Variants in EVPL observed in about 807,000 individuals in gnomAD.
EVPL encodes the protein 210 kDa cornified envelope precursor protein.
A neutral mutation model predicts 129.7 loss-of-function variants in EVPL; 94 were observed. That is an observed-to-expected ratio of 0.72 (90% confidence interval 0.61 to 0.86). The LOEUF is 0.86. Ranked by LOEUF, EVPL falls within the 40% of genes least tolerant of loss-of-function variation. The pLI is 0.00. For synonymous variants in EVPL, 1,172 were observed against 1,191.1 expected, an observed-to-expected ratio of 0.98 and a Z score of 0.33; for missense variants, 2,625 against 2,721.1, an observed-to-expected ratio of 0.96 and a Z score of 0.79.
In EVPL at chr17:76,009,496, C is replaced by T. The variant is rs375552944; in HGVS notation, c.3709G>A (p.Asp1237Asn). The T allele has an allele frequency of 1.7e-5, 27 of 1,614,026 alleles. No homozygotes were observed. The Middle Eastern group carries it at 4.9e-4, about 29-fold the overall frequency. The change falls in exon 22 of 22, where the codon GAC becomes AAC. Residue 1237 changes from aspartate to asparagine, a missense_variant. Physicochemically the swap from Asp to Asn is conservative, Grantham distance 23. Transcript: ENST00000301607. This position sits in a 1 kb window ranked among gnomAD's most constrained non-coding sequence, Gnocchi z 5.9. ...TTCTGGGCCCGCAGGACCTCCAGGT[C>T]GGGCAGCAGCTTCTCCACCTCCTTC... ...VEKEVEKLLP[D>N]LEVLRAQKPT...
chr17:76,021,163 C>A (rs2144431585), intron 9 of EVPL, among the ~76,000 whole-genome samples: 1 of 152,324 alleles, frequency 6.6e-6, no homozygotes, highest in East Asian at 1.9e-4. Flanking sequence ...TCAAGCGATT[C>A]TCCTGCCTCA....
chr17:76,021,125 G>A lies in EVPL; in HGVS notation c.1011+343C>T, dbSNP rs181504718. 1.2e-3 allele frequency among the ~76,000 whole-genome samples: 178 copies of A among 152,108 alleles called. 1 individual carries two copies. The highest frequency in any genetic ancestry group is 0.01 in the Admixed American group (153 of 15,274). ...GGCTGGAGTGCAGTGGACCAATCTC[G>A]GCCCACTGCAACCTCCGCCTCCTGG... On this transcript the variant is annotated intron_variant, in intron 9 of 21. Transcript: ENST00000301607.
intron 8 of EVPL, 55 bp downstream of exon 8, chr17:76,021,619 T>TG: frequency 7.6e-7 from 1 of 1,307,702 alleles, no homozygotes; most frequent in Non-Finnish European, 1.0e-6. Flanking sequence ...CCGCCCCACC[T>TG]CCCCCCTTCC....
intron 9 of EVPL, 111 bp downstream of exon 9, chr17:76,021,357 G>T: frequency 9.6e-7 from 1 of 1,042,922 alleles, no homozygotes; most frequent in South Asian, 1.5e-5. Context: ...CGCCCTGCCA[G>T]CTCTGTCTAG....
At chr17:76,019,402 C>T (rs143722266) in intron 10 of EVPL, 126 bp downstream of exon 10, 2 of 1,272,452 alleles carry the variant, frequency 1.6e-6, no homozygotes, top group Admixed American at 2.9e-5. Context: ...GTAAACCCCC[C>T]TGCCAGCACC....
rs768963178 is a variant in EVPL, at chr17:76,010,471, TCCCTGCTTGGGCAGGGCTCTCGGAG to T, written c.2709_2733del (p.Ser904GlufsTer6). ...TGGGCCTTCAGGGCCTCTGACTCTC[TCCCTGCTTGGGCAGGGCTCTCGGAG>T]CCCTGCTTTGCATCATGGGTCCTTC... On this transcript the variant is annotated frameshift_variant, in exon 22 of 22. Coordinates refer to ENST00000301607, the MANE Select transcript of EVPL (RefSeq NM_001988.4). LOFTEE classifies it low-confidence loss of function (END_TRUNC). 48 of 1,613,842 alleles carry T rather than the reference TCCCTGCTTGGGCAGGGCTCTCGGAG, an allele frequency of 3.0e-5. No homozygotes were observed. Among genetic ancestry groups the T allele is most frequent in the Middle Eastern group, 1.6e-4 (1 of 6,084 alleles).
chr17:76,014,403 A>C (rs2066400814), intron 18 of EVPL, 23 bp downstream of exon 18: 6 of 1,600,558 alleles, frequency 3.7e-6, no homozygotes, highest in Non-Finnish European at 5.1e-6. Flanking sequence ...GGGCACAGGC[A>C]GCTGTCCCTG....
chr17:76,021,326 G>C (rs1247590920), intron 9 of EVPL, 142 bp downstream of exon 9: 22 of 738,526 alleles, frequency 3.0e-5, no homozygotes, highest in Non-Finnish European at 4.3e-5. Context: ...AAAGTGCTGG[G>C]ATTACAGGTG....
rs775027325 is a variant in EVPL at position 76,008,321 on chromosome 17, TC to T, written c.4883del (p.Arg1628HisfsTer39). ...KLLSQKTESE[R>X]QKAAQRGQEL... ...CCTGGCCCCGCTGGGCCGCCTTCTG[TC>T]GCTCGCTCTCCGTCTTCTGGCTGAG... On this transcript the variant is annotated frameshift_variant, in exon 22 of 22. Transcript: ENST00000301607. LOFTEE classifies it high-confidence loss of function. The surrounding 1 kb of genome is among the most constrained non-coding windows in gnomAD (Gnocchi z 7.4). 1 of 1,607,248 alleles carries T rather than the reference TC, an allele frequency of 6.2e-7. No homozygotes were observed. The highest frequency in any genetic ancestry group is 1.1e-5 in the South Asian group (1 of 91,052).
At chr17:76,023,891 G>A in intron 2 of EVPL, 130 bp downstream of exon 2, 2 of 1,298,552 alleles carry the variant, frequency 1.5e-6, no homozygotes, top group Non-Finnish European at 2.1e-6. Flanking sequence ...GGGATGGGCG[G>A]TGCAGGACAA....
In EVPL at chr17:76,009,193, G is replaced by A. The variant is rs780356889; in HGVS notation, c.4012C>T (p.Arg1338Trp). ...GCCCGCCTCTTCTGGGCCGCCTCCCGCACCTCCTGGCGGAGCCGCTCTGCT... is the reference window on the plus strand; with the variant it reads ...GCCCGCCTCTTCTGGGCCGCCTCCCACACCTCCTGGCGGAGCCGCTCTGCT... ...KEAERLRQEV[R>W]EAAQKRRAAE... Residue 1338 changes from arginine (R) to tryptophan (W), a missense_variant, in exon 22 of 22, where the codon CGG (arginine) becomes TGG (tryptophan). Physicochemically the swap from Arg to Trp is moderately radical, Grantham distance 101. Coordinates refer to ENST00000301607, the MANE Select transcript of EVPL (RefSeq NM_001988.4). This position sits in a 1 kb window ranked among gnomAD's most constrained non-coding sequence, Gnocchi z 5.9. 7 of 1,609,812 alleles carry A rather than the reference G, an allele frequency of 4.3e-6. No individual in the cohort carries two copies. Among genetic ancestry groups the A allele is most frequent in the African/African-American group, 1.3e-5 (1 of 74,866 alleles).
rs1449593683 is a variant in EVPL at position 76,014,916 on chromosome 17, C to G, written c.2222G>C (p.Arg741Pro). ...YHAVGDQLDL[R>P]EKVVQDAALT... Reference sequence around the variant, plus strand: ...GTGCCCCGAGGACCCAGTCGCTCACCGCAGGTCCAGCTGGTCCCCTACGGC... The same window carrying G: ...GTGCCCCGAGGACCCAGTCGCTCACGGCAGGTCCAGCTGGTCCCCTACGGC... The change falls in exon 17 of 22, where the codon CGG becomes CCG. Residue 741 changes from arginine (R) to proline (P), a missense_variant and splice_region_variant. Arg to Pro is a moderately radical substitution (Grantham distance 103). This residue lies in a region of EVPL where 1,024 missense variants were observed against 997.5 expected (regional missense o/e 1.03). Transcript: ENST00000301607. 1.9e-5 allele frequency: 30 copies of G among 1,579,280 alleles called. No homozygotes were observed. The highest frequency in any genetic ancestry group is 2.6e-5 in the Non-Finnish European group (30 of 1,160,904).
chr17:76,023,401 T>G lies in EVPL; in HGVS notation c.371A>C (p.Glu124Ala), dbSNP rs201722724. ...EIEKDIKQLH[E>A]RVTQECAEYR... ...CTCCGCACACTCCTGGGTCACCCGCTCGTGCAGCTGCTTGATGCTGTCAAG... is the reference window on the plus strand; with the variant it reads ...CTCCGCACACTCCTGGGTCACCCGCGCGTGCAGCTGCTTGATGCTGTCAAG... Residue 124 changes from glutamate (E) to alanine (A), a missense_variant, in exon 4 of 22, where the codon GAG becomes GCG. This residue lies in a region of EVPL where 139 missense variants were observed against 186.8 expected (regional missense o/e 0.74). Coordinates refer to ENST00000301607, the MANE Select transcript of EVPL (RefSeq NM_001988.4). 8.7e-6 allele frequency: 14 copies of G among 1,613,814 alleles called. No homozygotes were observed. The Admixed American group carries it at 1.0e-4, about 12-fold the overall frequency.
chr17:76,008,062 G>C lies in EVPL; in HGVS notation c.5143C>G (p.Gln1715Glu). 1 of 1,614,178 alleles carries C rather than the reference G, an allele frequency of 6.2e-7. No individual in the cohort carries two copies. The highest frequency in any genetic ancestry group is 8.5e-7 in the Non-Finnish European group (1 of 1,180,030). ...CAGTCACACTCGAGCTCCTGCAGCT[G>C]CAAGTACTGGCCCCTGTCGATGATG... Reference protein sequence around the residue: ...RGIIDRGQYLQLQELECDWEE... With the variant: ...RGIIDRGQYLELQELECDWEE... Residue 1715 changes from glutamine to glutamate, a missense_variant, in exon 22 of 22, where the codon CAG becomes GAG. Around this residue, in one of 4 missense-constraint regions of EVPL, gnomAD observed 1,453 missense variants for 1,511.8 expected, o/e 0.96. Coordinates refer to ENST00000301607, the MANE Select transcript of EVPL (RefSeq NM_001988.4). The surrounding 1 kb of genome is among the most constrained non-coding windows in gnomAD (Gnocchi z 7.4).
chr17:76,015,777 G>A (rs1396037594), intron 14 of EVPL, 149 bp from the exon 15 acceptor site: 5 of 784,804 alleles, frequency 6.4e-6, no homozygotes, highest in African/African-American at 1.7e-5. Flanking sequence ...CAGTCCTGGC[G>A]CTACTCGTTC....
chr17:76,009,189 TC>T lies in EVPL; in HGVS notation c.4015del (p.Glu1339ArgfsTer53). On this transcript the variant is annotated frameshift_variant, in exon 22 of 22. Transcript: ENST00000301607. LOFTEE classifies it low-confidence loss of function (END_TRUNC). The surrounding 1 kb of genome is among the most constrained non-coding windows in gnomAD (Gnocchi z 5.9). ...EAERLRQEVR[E>X]AAQKRRAAED... ...CGCGGCCCGCCTCTTCTGGGCCGCC[TC>T]CCGCACCTCCTGGCGGAGCCGCTCT... 1 of 1,610,564 alleles carries T rather than the reference TC, an allele frequency of 6.2e-7. No individual in the cohort carries two copies.
Position 76,022,396 on chromosome 17 carries a change from C to G in EVPL, c.606+17G>C, listed in dbSNP as rs1230734024. Reference sequence around the variant, plus strand: ...CTGGGGCTGGCCCCGGATGTGACATCCTCCAGGCTCACCTACCGGCCCCAC... The same window carrying G: ...CTGGGGCTGGCCCCGGATGTGACATGCTCCAGGCTCACCTACCGGCCCCAC... On this transcript the variant is annotated intron_variant, in intron 5 of 21. Coordinates refer to ENST00000301607, the MANE Select transcript of EVPL (RefSeq NM_001988.4). The surrounding 1 kb of genome is among the most constrained non-coding windows in gnomAD (Gnocchi z 5.6). 6.2e-7 allele frequency: 1 copy of G among 1,613,182 alleles called. No homozygotes were observed. The highest frequency in any genetic ancestry group is 1.3e-5 in the African/African-American group (1 of 74,926).
chr17:76,015,224 T>C lies in EVPL; in HGVS notation c.2028+3A>G. 1 of 1,589,406 alleles carries C rather than the reference T, an allele frequency of 6.3e-7. No individual in the cohort carries two copies. The highest frequency in any genetic ancestry group is 8.5e-7 in the Non-Finnish European group (1 of 1,171,436). On this transcript the variant is annotated splice_donor_region_variant and intron_variant, in intron 16 of 21. Transcript: ENST00000301607. ...CACCAGGAGGCCCCGGCTGGTCCCT[T>C]ACCTGCAGCTCGCTGACCCTCTCCT...
rs2066473011 is a variant in EVPL at position 76,022,954 on chromosome 17, C to T, written c.480+338G>A. ...CTCCTCAACCAGGGATCAGAATGTC[C>T]CATGACCTGGCTCTGCCCACCTGCC... On this transcript the variant is annotated intron_variant, in intron 4 of 21. Coordinates refer to ENST00000301607, the MANE Select transcript of EVPL (RefSeq NM_001988.4). This position sits in a 1 kb window ranked among gnomAD's most constrained non-coding sequence, Gnocchi z 5.6. 6.6e-6 allele frequency among the ~76,000 whole-genome samples: 1 copy of T among 152,144 alleles called. No individual in the cohort carries two copies. The highest frequency in any genetic ancestry group is 2.1e-4 in the South Asian group (1 of 4,828).
Sources: gnomAD v4.1 joint callset for allele counts (sites outside exome capture counted in the v4.1 genomes callset) on GRCh38, gnomAD v4.1.1 for gene constraint, gnomAD v4.1.1 regional missense constraint, Gnocchi (gnomAD v3.1) non-coding constraint, MANE v1.5 for transcripts, NCBI Gene and HGNC (gene_info 2026-07-23, HGNC 2026-07-21) for gene names.